The following SUFU variants were observed in gnomAD, a reference collection of about 807,000 sequenced individuals.
SUFU encodes SUFU negative regulator of hedgehog signaling, also known as suppressor of fused homolog.
SUFU carries 7 observed loss-of-function variants against 58.9 expected under a neutral mutation model. The observed-to-expected ratio is 0.12, with a 90% CI of 0.07 to 0.22. The LOEUF is 0.22. SUFU is among the 10% of genes least tolerant of loss of function. The pLI is 1.00. For synonymous variants in SUFU, 232 were observed against 254.8 expected (o/e 0.91, Z 0.85); for missense variants, 451 against 641.3 (o/e 0.70, Z 3.20).
chr10:102,632,348 A>G lies in SUFU; in HGVS notation c.*2193A>G, dbSNP rs145880300. The G allele has an allele frequency of 2.1e-3, 489 of 233,282 alleles. 5 individuals are homozygous for G. The highest frequency in any genetic ancestry group is 0.01 in the African/African-American group (470 of 45,434). The allele number at this position is 233,282 out of a possible 1,614,324, so 14.5% of individuals were successfully genotyped here. A position where few individuals can be genotyped will look rare whatever the true frequency, so the allele number is the denominator to read the frequency against. On this transcript the variant is annotated 3_prime_UTR_variant, in exon 12 of 12. Transcript: ENST00000369902. The stretch of plus-strand genomic sequence containing the variant: ...GGGTGAGCTCCGAGATGATGAGCAC[A>G]TGAAGCCTGTGGCCCCTTCGTACCT...
chr10:102,506,257 G>A (rs1175780220), intron 1 of SUFU, among the ~76,000 whole-genome samples: 1 of 152,076 alleles, frequency 6.6e-6, no homozygotes, highest in Non-Finnish European at 1.5e-5. Context: ...CTGCAAGCTT[G>A]TTAACAGCCA....
intron 8 of SUFU, among the ~76,000 whole-genome samples, chr10:102,601,851 G>T (rs1019348715): frequency 6.6e-6 from 1 of 152,174 alleles, no homozygotes; most frequent in African/African-American, 2.4e-5. Context: ...CTCCCTGTTG[G>T]GGGGCAGCCA....
intron 2 of SUFU, among the ~76,000 whole-genome samples, chr10:102,524,798 T>C (rs757095217): frequency 6.6e-6 from 1 of 152,264 alleles, no homozygotes; most frequent in African/African-American, 2.4e-5. Flanking sequence ...AAATGTGCTT[T>C]ATCCATTAAT....
intron 2 of SUFU, among the ~76,000 whole-genome samples, chr10:102,536,181 T>G (rs947741074): frequency 6.6e-6 from 1 of 151,648 alleles, no homozygotes; most frequent in African/African-American, 2.4e-5. Flanking sequence ...GCCAGGCTGG[T>G]CTGAAACTCC....
chr10:102,587,297 G>A (rs144588534), intron 3 of SUFU, among the ~76,000 whole-genome samples: 22 of 152,154 alleles, frequency 1.4e-4, no homozygotes, highest in Middle Eastern at 6.8e-3. Context: ...TTTGCACAGC[G>A]GCTGCTTCAT....
chr10:102,555,673 A>G (rs2062968118), intron 3 of SUFU, among the ~76,000 whole-genome samples: 1 of 152,162 alleles, frequency 6.6e-6, no homozygotes, highest in South Asian at 2.1e-4. Context: ...TAAGGTGAAG[A>G]ATCTTTCTAT....
Position 102,617,446 on chromosome 10 carries a change from C to T in SUFU, c.1296+18C>T, listed in dbSNP as rs867896917. 5 of 1,614,006 alleles carry T rather than the reference C, an allele frequency of 3.1e-6. No individual in the cohort carries two copies. In the South Asian group the frequency reaches 3.3e-5, roughly 11 times the overall value. On this transcript the variant is annotated intron_variant, in intron 10 of 11. Transcript: ENST00000369902. This position sits in a 1 kb window ranked among gnomAD's most constrained non-coding sequence, Gnocchi z 4.4. The stretch of plus-strand genomic sequence containing the variant: ...GGTTACAAGTGAGAAGGCCCTTTTT[C>T]TTCTCCCTCCTTCCTTTCATAGACT...
intron 3 of SUFU, among the ~76,000 whole-genome samples, chr10:102,589,520 A>G (rs933644206): frequency 3.2e-5 from 4 of 124,362 alleles, no homozygotes; most frequent in African/African-American, 1.2e-4. Flanking sequence ...ATCTCGGCTC[A>G]CTGCAACCTC....
At chr10:102,554,978 A>G (rs963555106) in intron 3 of SUFU, among the ~76,000 whole-genome samples, 40 of 152,278 alleles carry the variant, frequency 2.6e-4, no homozygotes, top group African/African-American at 8.7e-4. Context: ...TAAAAACTTT[A>G]TATGGATTGG....
rs529612287 is a variant in SUFU, at chr10:102,589,262, A to G, written c.455-3320A>G. Among the ~76,000 whole-genome samples the G allele has an allele frequency of 3.9e-5, 6 of 152,020 alleles. No individual in the cohort carries two copies. In the East Asian group the frequency reaches 1.2e-3, roughly 30 times the overall value. On this transcript the variant is annotated intron_variant, in intron 3 of 11. Transcript: ENST00000369902. ...TTTTTGGATTGTTCCTTGCTAGTAT[A>G]TACAAATACAAATAACTTTTGCATA...
chr10:102,553,086 A>C (rs1200792573), intron 3 of SUFU, among the ~76,000 whole-genome samples: 1 of 152,226 alleles, frequency 6.6e-6, no homozygotes, highest in African/African-American at 2.4e-5. Flanking sequence ...AGAACGGGAC[A>C]GGGTGACTAC....
chr10:102,575,431 G>C (rs1250028393), intron 3 of SUFU, among the ~76,000 whole-genome samples: 1 of 152,182 alleles, frequency 6.6e-6, no homozygotes, highest in Non-Finnish European at 1.5e-5. Flanking sequence ...CTTCTTGCTG[G>C]TGAGGAGTCC....
At position 102,631,352 on chromosome 10, in the gene SUFU, G is replaced by C. The variant is rs902740628; in HGVS notation, c.*1197G>C. The C allele has an allele frequency of 4.3e-6, 1 of 233,450 alleles. No individual in the cohort carries two copies. Among genetic ancestry groups the C allele is most frequent in the Non-Finnish European group, 8.4e-6 (1 of 118,402 alleles). The allele number at this position is 233,450 out of a possible 1,614,324, so 14.5% of individuals were successfully genotyped here. A position where few individuals can be genotyped will look rare whatever the true frequency, so the allele number is the denominator to read the frequency against. On this transcript the variant is annotated 3_prime_UTR_variant, in exon 12 of 12. Transcript: ENST00000369902. ...CTCCTTTCTGGCATCCTGGCCTCTC[G>C]TGGTCCTCAGCCCCTCACCCCCAGT...
At chr10:102,593,923 G>A (rs1045571566) in intron 5 of SUFU, 70 bp from the exon 6 acceptor site, 22 of 1,571,890 alleles carry the variant, frequency 1.4e-5, no homozygotes, top group Non-Finnish European at 1.8e-5. Flanking sequence ...AGCAAACAGG[G>A]CAGGCTGTAG....
chr10:102,610,285 C>T (rs913047479), intron 8 of SUFU, among the ~76,000 whole-genome samples: 1 of 150,378 alleles, frequency 6.6e-6, no homozygotes, highest in Non-Finnish European at 1.5e-5. Flanking sequence ...CCTAGCTGCT[C>T]GGTAGGCTGA....
At chr10:102,590,050 T>G (rs2063379167) in intron 3 of SUFU, among the ~76,000 whole-genome samples, 1 of 152,024 alleles carries the variant, frequency 6.6e-6, no homozygotes, top group Non-Finnish European at 1.5e-5. Context: ...TAATCTGTAT[T>G]ACATTGATTT....
chr10:102,526,423 C>T (rs1385900861), intron 2 of SUFU, among the ~76,000 whole-genome samples: 1 of 149,938 alleles, frequency 6.7e-6, no homozygotes, highest in Admixed American at 6.6e-5. Flanking sequence ...CATGGTGGTG[C>T]GTGCCTGTAG....
chr10:102,563,661 A>C (rs566885631), intron 3 of SUFU, among the ~76,000 whole-genome samples: 1 of 151,946 alleles, frequency 6.6e-6, no homozygotes, highest in Non-Finnish European at 1.5e-5. Flanking sequence ...ATGCCACTGC[A>C]CTCCAGCCTA....
chr10:102,629,023 G>A lies in SUFU; in HGVS notation c.1366-1043G>A, dbSNP rs756714321. On this transcript the variant is annotated intron_variant, in intron 11 of 11. Transcript: ENST00000369902. The surrounding 1 kb of genome is among the most constrained non-coding windows in gnomAD (Gnocchi z 4.7). ...ATACAATAATTAGCCGGGCTTGGTG[G>A]TGCATGCCTGTAATCTCAGCTACTC... Among the ~76,000 whole-genome samples the A allele has an allele frequency of 6.6e-5, 10 of 152,140 alleles. No individual in the cohort carries two copies. Among genetic ancestry groups the A allele is most frequent in the Non-Finnish European group, 1.2e-4 (8 of 68,022 alleles).
Sources: gnomAD v4.1 joint callset for allele counts (sites outside exome capture counted in the v4.1 genomes callset) on GRCh38, gnomAD v4.1.1 for gene constraint, Gnocchi (gnomAD v3.1) non-coding constraint, MANE v1.5 for transcripts, NCBI Gene and HGNC (gene_info 2026-07-23, HGNC 2026-07-21) for gene names.